ALMS1: variants seen among roughly 807,000 people sequenced by gnomAD.
The protein encoded by ALMS1 is ALMS1 centrosome and basal body associated protein, also known as centrosome-associated protein ALMS1.
ALMS1 carries 271 observed loss-of-function variants against 352.2 expected under a neutral mutation model. The ratio of observed to expected loss-of-function variants is 0.77; its 90% CI spans 0.70 to 0.85. The LOEUF (loss-of-function observed/expected upper bound fraction) is 0.85, where lower values mean the gene tolerates loss of function less well. ALMS1 is among the 40% of genes least tolerant of loss of function. The pLI, the probability that ALMS1 is intolerant of heterozygous loss-of-function variation, is 0.00. For missense variants in ALMS1, 5,445 were observed against 4,870.7 expected, an observed-to-expected ratio of 1.12 and a Z score of -3.51; for synonymous variants, 1,865 against 1,761.2, an observed-to-expected ratio of 1.06 and a Z score of -1.48.
At chr2:73,601,580 C>A in intron 19 of ALMS1, 144 bp downstream of exon 19, 1 of 1,322,404 alleles carries the variant, frequency 7.6e-7, no homozygotes, top group Non-Finnish European at 1.1e-6. Context: ...CCTGTTTTCA[C>A]GCACGAGGGT....
chr2:73,438,757 T>C (rs1671656156), intron 7 of ALMS1, among the ~76,000 whole-genome samples: 1 of 152,242 alleles, frequency 6.6e-6, no homozygotes, highest in Non-Finnish European at 1.5e-5. Context: ...ACAGATATTT[T>C]GTTTAAATTC....
At chr2:73,538,679 C>G (rs907338528) in intron 12 of ALMS1, among the ~76,000 whole-genome samples, 1 of 152,174 alleles carries the variant, frequency 6.6e-6, no homozygotes, top group Admixed American at 6.5e-5. Context: ...TCGGGTCACT[C>G]CCACCCTAAT....
chr2:73,546,806 G>A (rs66931335), intron 12 of ALMS1, among the ~76,000 whole-genome samples: 19,568 of 152,144 alleles, frequency 0.13, 1,336 homozygotes, highest in East Asian at 0.22. Flanking sequence ...AAAGAAGGCA[G>A]CGTGGGTTGA....
intron 1 of ALMS1, among the ~76,000 whole-genome samples, chr2:73,400,418 G>A (rs182740456): frequency 1.8e-3 from 280 of 152,252 alleles, no homozygotes; most frequent in Non-Finnish European, 3.1e-3. Context: ...TTGGTAATAT[G>A]TTTGTCTGGT....
chr2:73,523,792 A>AT (rs1673734390), intron 11 of ALMS1, among the ~76,000 whole-genome samples: 1 of 151,794 alleles, frequency 6.6e-6, no homozygotes, highest in Admixed American at 6.6e-5. Flanking sequence ...AAAAAAAAAG[A>AT]TTATTGTTTC....
intron 12 of ALMS1, among the ~76,000 whole-genome samples, chr2:73,545,180 G>GT (rs766831115): frequency 4.2e-5 from 6 of 144,098 alleles, no homozygotes; most frequent in South Asian, 2.2e-4. Context: ...AATTTTTTGT[G>GT]GTTTTTTTTT....
At chr2:73,568,581 G>T (rs1674849990) in intron 15 of ALMS1, among the ~76,000 whole-genome samples, 2 of 152,102 alleles carry the variant, frequency 1.3e-5, no homozygotes, top group African/African-American at 4.8e-5. Flanking sequence ...ACTCTACTTG[G>T]CAGGAATTTT....
chr2:73,606,552 TC>T (rs1212823046), intron 21 of ALMS1, among the ~76,000 whole-genome samples: 2 of 152,246 alleles, frequency 1.3e-5, no homozygotes, highest in Non-Finnish European at 2.9e-5. Flanking sequence ...TTAGTGCCCA[TC>T]TTCTGGAGAG....
At chr2:73,548,561 C>T (rs564733050) in intron 12 of ALMS1, among the ~76,000 whole-genome samples, 2 of 152,322 alleles carry the variant, frequency 1.3e-5, no homozygotes, top group African/African-American at 2.4e-5. Context: ...ACTGTGCGTG[C>T]ACATGCTGCT....
At chr2:73,485,782 C>G (rs538760963) in intron 9 of ALMS1, among the ~76,000 whole-genome samples, 1 of 152,234 alleles carries the variant, frequency 6.6e-6, no homozygotes, top group East Asian at 1.9e-4. Flanking sequence ...CGTGGTGCGC[C>G]GTTTTTTAAG....
intron 16 of ALMS1, among the ~76,000 whole-genome samples, chr2:73,582,870 C>T (rs1362049872): frequency 6.6e-6 from 1 of 152,146 alleles, no homozygotes; most frequent in Non-Finnish European, 1.5e-5. Context: ...ACCTTGCTTT[C>T]AATTCTTTGG....
chr2:73,487,855 A>C (rs557090800), intron 9 of ALMS1, among the ~76,000 whole-genome samples: 7 of 152,100 alleles, frequency 4.6e-5, no homozygotes, highest in African/African-American at 1.7e-4. Flanking sequence ...GGTAGCTCCT[A>C]CCTGCATGCA....
In ALMS1 at chr2:73,573,522, C is replaced by G. The variant is rs960917292; in HGVS notation, c.11547+98C>G. On this transcript the variant is annotated intron_variant, in intron 16 of 22. Coordinates refer to ENST00000613296, the MANE Select transcript of ALMS1 (RefSeq NM_001378454.1). Reference sequence around the variant, plus strand: ...AGGTGAAAAAAACAAGCCATTTGCCCTTTCCTCTCTATACCATTTCTTACC... The same window carrying G: ...AGGTGAAAAAAACAAGCCATTTGCCGTTTCCTCTCTATACCATTTCTTACC... The G allele has an allele frequency of 7.2e-6, 9 of 1,249,160 alleles. No homozygotes were observed. In the African/African-American group the frequency reaches 7.5e-5, roughly 10 times the overall value. The allele number at this position is 1,249,160 out of a possible 1,614,324, so 77.4% of individuals were successfully genotyped here.
chr2:73,388,251 AGAG>A (rs1330027553), intron 1 of ALMS1, among the ~76,000 whole-genome samples: 1 of 152,198 alleles, frequency 6.6e-6, no homozygotes, highest in Non-Finnish European at 1.5e-5. Flanking sequence ...CTTGAAGCCT[AGAG>A]GAGGAGTTTT....
chr2:73,482,391 C>A (rs1290290671), intron 9 of ALMS1, among the ~76,000 whole-genome samples: 1 of 152,096 alleles, frequency 6.6e-6, no homozygotes, highest in Non-Finnish European at 1.5e-5. Context: ...TATTGATTTG[C>A]ATATATTGAA....
rs535829950 is a variant in ALMS1 at position 73,566,122 on chromosome 2, G to A, written c.10385-6140G>A. ...GGTAATCATCTGTACTGTTGTCACC[G>A]TTTTTCTGTAAATCCAAATTATTCT... On this transcript the variant is annotated intron_variant, in intron 15 of 22. Coordinates refer to ENST00000613296, the MANE Select transcript of ALMS1 (RefSeq NM_001378454.1). Among the ~76,000 whole-genome samples, 116 of 152,190 alleles carry A rather than the reference G, an allele frequency of 7.6e-4. 1 individual carries two copies. The highest frequency in any genetic ancestry group is 5.4e-3 in the East Asian group (28 of 5,184).
chr2:73,595,659 A>C (rs181835921), intron 16 of ALMS1, among the ~76,000 whole-genome samples: 24 of 152,302 alleles, frequency 1.6e-4, no homozygotes, highest in Non-Finnish European at 2.6e-4. Flanking sequence ...CAGGAGTGAA[A>C]TTGGTAGGTC....
In ALMS1 at chr2:73,499,830, C is replaced by A. The variant is rs138075034; in HGVS notation, c.9539+8332C>A. On this transcript the variant is annotated intron_variant, in intron 10 of 22. Coordinates refer to ENST00000613296, the MANE Select transcript of ALMS1 (RefSeq NM_001378454.1). The stretch of plus-strand genomic sequence containing the variant: ...TGAGTGAGTTCTGGCTCGTAGTTCA[C>A]CCAAGAGCTGGTTGTTTAAAAAAGA... Among the ~76,000 whole-genome samples the A allele has an allele frequency of 2.0e-4, 30 of 152,220 alleles. No individual in the cohort carries two copies. The East Asian group carries it at 5.8e-3, about 29-fold the overall frequency.
intron 6 of ALMS1, among the ~76,000 whole-genome samples, 185 bp from the exon 7 acceptor site, chr2:73,432,013 A>G (rs1362635144): frequency 6.6e-6 from 1 of 152,210 alleles, no homozygotes; most frequent in East Asian, 1.9e-4. Context: ...AAGGTTTGAG[A>G]TTATGATCTT....
Sources: gnomAD v4.1 joint callset for allele counts (sites outside exome capture counted in the v4.1 genomes callset) on GRCh38, gnomAD v4.1.1 for gene constraint, MANE v1.5 for transcripts, NCBI Gene and HGNC (gene_info 2026-07-23, HGNC 2026-07-21) for gene names.